PTPRN2: variants seen among roughly 807,000 people sequenced by gnomAD.
PTPRN2 encodes the protein receptor-type tyrosine-protein phosphatase N2.
In PTPRN2, 74 loss-of-function variants were observed where a neutral mutation model predicts 118.8. The ratio of observed to expected loss-of-function variants is 0.62; its 90% confidence interval spans 0.52 to 0.76. The LOEUF is 0.76. Among genes scored for constraint, PTPRN2 ranks in the 30% least tolerant of loss-of-function variants. The pLI, the probability that PTPRN2 is intolerant of heterozygous loss-of-function variation, is 0.00. For missense variants in PTPRN2, 1,481 were observed against 1,394.4 expected (o/e 1.06, Z -0.99); for synonymous variants, 641 against 608.0 (o/e 1.05, Z -0.80).
chr7:158,362,448 G>A (rs1282465972), intron 2 of PTPRN2, among the ~76,000 whole-genome samples: 1 of 152,238 alleles, frequency 6.6e-6, no homozygotes, highest in African/African-American at 2.4e-5. Flanking sequence ...TTAAGGCAAT[G>A]TGACAATTCT....
intron 11 of PTPRN2, among the ~76,000 whole-genome samples, chr7:157,943,283 A>G (rs1283509559): frequency 1.3e-5 from 2 of 152,142 alleles, no homozygotes; most frequent in African/African-American, 4.8e-5. Context: ...TGCTAGGAAA[A>G]TGTCTTACTC....
intron 17 of PTPRN2, among the ~76,000 whole-genome samples, chr7:157,592,714 TGGATGCCGA>T (rs1801057793): frequency 1.3e-5 from 2 of 148,596 alleles, no homozygotes; most frequent in Admixed American, 1.3e-4. Flanking sequence ...TCGTTGAGCA[TGGATGCCGA>T]GAGGCTTCAC....
At chr7:158,524,951 G>C (rs529246708) in intron 1 of PTPRN2, among the ~76,000 whole-genome samples, 3 of 152,238 alleles carry the variant, frequency 2.0e-5, no homozygotes, top group African/African-American at 7.2e-5. Flanking sequence ...AGGCCACTGG[G>C]GGCTCCTCCA....
intron 3 of PTPRN2, among the ~76,000 whole-genome samples, chr7:158,279,826 C>T (rs2150995064): frequency 6.6e-6 from 1 of 152,314 alleles, no homozygotes; most frequent in Non-Finnish European, 1.5e-5. Context: ...CCGGCCAGAG[C>T]AGACACCGAG....
intron 12 of PTPRN2, chr7:157,865,263 G>A (rs1236404564): frequency 1.3e-5 from 2 of 152,306 alleles, no homozygotes; most frequent in Admixed American, 1.3e-4. Flanking sequence ...GCATTCCGCA[G>A]TCCTGCACCA....
intron 11 of PTPRN2, among the ~76,000 whole-genome samples, chr7:157,985,331 C>A (rs1038516112): frequency 6.6e-6 from 1 of 152,176 alleles, no homozygotes; most frequent in Non-Finnish European, 1.5e-5. Context: ...TTCCATCTTG[C>A]GAGTTTAGCA....
intron 2 of PTPRN2, among the ~76,000 whole-genome samples, chr7:158,441,612 AGTGGTG>A (rs796173256): frequency 4.8e-4 from 64 of 132,058 alleles, no homozygotes; most frequent in East Asian, 1.3e-3. Flanking sequence ...TGGTGATGGC[AGTGGTG>A]GTGGTGGTGA....
chr7:158,577,873 A>G (rs1309189159), intron 1 of PTPRN2, among the ~76,000 whole-genome samples: 1 of 152,198 alleles, frequency 6.6e-6, no homozygotes, highest in Non-Finnish European at 1.5e-5. Flanking sequence ...TGAATAGTGC[A>G]CTGGGCCCTA....
At chr7:157,796,345 G>A (rs776874788) in intron 12 of PTPRN2, among the ~76,000 whole-genome samples, 1 of 152,218 alleles carries the variant, frequency 6.6e-6, no homozygotes, top group African/African-American at 2.4e-5. Flanking sequence ...TACCGGGATG[G>A]TGACATCCCT....
intron 2 of PTPRN2, among the ~76,000 whole-genome samples, chr7:158,415,643 T>C (rs1814596345): frequency 6.6e-6 from 1 of 152,196 alleles, no homozygotes; most frequent in African/African-American, 2.4e-5. Context: ...AGAGTTATTG[T>C]TGAGGACTTG....
intron 2 of PTPRN2, among the ~76,000 whole-genome samples, chr7:158,341,308 A>G (rs1477965335): frequency 5.3e-5 from 8 of 150,930 alleles, no homozygotes; most frequent in Admixed American, 1.3e-4. Context: ...CATAGACGTC[A>G]CTCACACCCA....
At chr7:158,186,310 T>A (rs1411596380) in intron 5 of PTPRN2, among the ~76,000 whole-genome samples, 2 of 152,108 alleles carry the variant, frequency 1.3e-5, no homozygotes, top group Non-Finnish European at 2.9e-5. Flanking sequence ...TCTGGCAGAT[T>A]TCTCCTGGGG....
At chr7:158,333,521 A>G (rs1804926302) in intron 2 of PTPRN2, among the ~76,000 whole-genome samples, 2 of 148,386 alleles carry the variant, frequency 1.3e-5, no homozygotes, top group South Asian at 4.2e-4. Context: ...CTCTCACCAT[A>G]AGACCTGACA....
At chr7:157,852,172 T>C (rs545882974) in intron 12 of PTPRN2, among the ~76,000 whole-genome samples, 2 of 152,396 alleles carry the variant, frequency 1.3e-5, no homozygotes, top group Admixed American at 1.3e-4. Context: ...TATATTTATG[T>C]GGGAATTATT....
rs995343533 is a variant in PTPRN2 at position 157,868,067 on chromosome 7, C to T, written c.1788+30606G>A. On this transcript the variant is annotated intron_variant, in intron 12 of 22. Coordinates refer to ENST00000389418, the MANE Select transcript of PTPRN2 (RefSeq NM_002847.5). The surrounding 1 kb of genome is among the most constrained non-coding windows in gnomAD (Gnocchi z 5.2). ...ACCTGAGTCCTCTAGGAACCCAGCC[C>T]GCATCCTGGGCAAGAGGCCCACATG... 2.6e-5 allele frequency among the ~76,000 whole-genome samples: 4 copies of T among 152,214 alleles called. No homozygotes were observed. The highest frequency in any genetic ancestry group is 6.5e-5 in the Admixed American group (1 of 15,284).
At chr7:158,269,587 G>A (rs946976143) in intron 3 of PTPRN2, among the ~76,000 whole-genome samples, 7 of 152,318 alleles carry the variant, frequency 4.6e-5, no homozygotes, top group African/African-American at 1.7e-4. Flanking sequence ...GGTAAAGGAT[G>A]CTTCAAGAAG....
chr7:158,278,867 C>T (rs2150992115), intron 3 of PTPRN2, among the ~76,000 whole-genome samples: 1 of 152,226 alleles, frequency 6.6e-6, no homozygotes, highest in Admixed American at 6.5e-5. Flanking sequence ...TCTATGGCTT[C>T]AAGAGTGAAG....
chr7:158,531,649 G>A (rs1825245698), intron 1 of PTPRN2, among the ~76,000 whole-genome samples: 1 of 152,252 alleles, frequency 6.6e-6, no homozygotes, highest in Non-Finnish European at 1.5e-5. Context: ...AGAGGAGGAG[G>A]CTGAAGCAAG....
At chr7:158,144,991 G>A (rs149811237) in intron 6 of PTPRN2, among the ~76,000 whole-genome samples, 6,707 of 138,642 alleles carry the variant, frequency 0.048, 304 homozygotes, top group South Asian at 0.088. Context: ...AGAATACCAC[G>A]GCTCGGCAAG....
Sources: allele counts gnomAD v4.1 joint callset (sites outside exome capture counted in the v4.1 genomes callset), GRCh38; gene constraint gnomAD v4.1.1; non-coding constraint Gnocchi (gnomAD v3.1); transcripts MANE v1.5; gene names NCBI Gene and HGNC (gene_info 2026-07-23, HGNC 2026-07-21).